Variants in TPH2 observed in about 807,000 individuals in gnomAD.
TPH2 encodes tryptophan hydroxylase 2.
A neutral mutation model predicts 59.1 loss-of-function variants in TPH2; 27 were observed. The ratio of observed to expected loss-of-function variants is 0.46; its 90% CI spans 0.34 to 0.63. The LOEUF is 0.63. Among genes scored for constraint, TPH2 ranks in the 30% least tolerant of loss-of-function variants. TPH2 has a pLI of 0.01. For synonymous variants in TPH2, 220 were observed against 210.5 expected, an observed-to-expected ratio of 1.05 and a Z score of -0.39; for missense variants, 523 against 588.3, an observed-to-expected ratio of 0.89 and a Z score of 1.15.
At chr12:71,971,973 C>T (rs781654857) in intron 5 of TPH2, among the ~76,000 whole-genome samples, 16 of 152,092 alleles carry the variant, frequency 1.1e-4, no homozygotes, top group Non-Finnish European at 2.1e-4. Context: ...AATGAATGCT[C>T]CTTATTTTTT....
intron 4 of TPH2, among the ~76,000 whole-genome samples, chr12:71,947,769 C>T (rs919790419): frequency 6.6e-6 from 1 of 151,962 alleles, no homozygotes; most frequent in Admixed American, 6.6e-5. Flanking sequence ...ACAACATTTG[C>T]GTAATCACCG....
chr12:71,999,725 A>T (rs1035762700), intron 8 of TPH2, among the ~76,000 whole-genome samples: 4 of 152,344 alleles, frequency 2.6e-5, no homozygotes, highest in Admixed American at 2.6e-4. Context: ...AAGGGCTTCA[A>T]ATTCCAAAAC....
chr12:72,005,430 A>G (rs995833378), intron 8 of TPH2, among the ~76,000 whole-genome samples: 17 of 152,202 alleles, frequency 1.1e-4, no homozygotes, highest in African/African-American at 4.1e-4. Flanking sequence ...ATAGATAAGG[A>G]AGGAAAATAA....
At chr12:72,031,474 C>T (rs969652388) in intron 10 of TPH2, 47 bp from the exon 11 acceptor site, 1 of 1,610,166 alleles carries the variant, frequency 6.2e-7, no homozygotes, top group Non-Finnish European at 8.5e-7. Context: ...ATCCCTCGTA[C>T]CAATGAGGGT....
rs1286230877 is a variant in TPH2, at chr12:71,994,465, A to G, written c.968A>G (p.His323Arg). 5 of 1,614,012 alleles carry G rather than the reference A, an allele frequency of 3.1e-6. No individual in the cohort carries two copies. Among genetic ancestry groups the G allele is most frequent in the Non-Finnish European group, 4.2e-6 (5 of 1,179,880 alleles). ...EPDTCHELLG[H>R]VPLLADPKFA... Reference sequence around the variant, plus strand: ...GACACATGCCATGAACTCTTGGGACATGTTCCACTACTTGCGGATCCTAAG... The same window carrying G: ...GACACATGCCATGAACTCTTGGGACGTGTTCCACTACTTGCGGATCCTAAG... The change falls in exon 8 of 11, where the codon CAT becomes CGT. Residue 323 changes from histidine (H) to arginine (R), a missense_variant. By Grantham distance (29) the His-to-Arg change is conservative. Coordinates refer to ENST00000333850, the MANE Select transcript of TPH2 (RefSeq NM_173353.4).
chr12:71,958,644 C>G (rs957744977), intron 5 of TPH2, among the ~76,000 whole-genome samples: 2 of 152,146 alleles, frequency 1.3e-5, no homozygotes, highest in African/African-American at 4.8e-5. Flanking sequence ...TTCCCTCTCT[C>G]CCAGGCCCCA....
chr12:72,010,892 G>A (rs1421550141), intron 8 of TPH2, among the ~76,000 whole-genome samples: 4 of 152,264 alleles, frequency 2.6e-5, no homozygotes, highest in East Asian at 1.9e-4. Flanking sequence ...CTGAGAGTGC[G>A]CTCATCAGTT....
At chr12:71,975,919 A>C (rs1259426248) in intron 6 of TPH2, among the ~76,000 whole-genome samples, 3 of 152,238 alleles carry the variant, frequency 2.0e-5, no homozygotes, top group African/African-American at 7.2e-5. Context: ...AGAGCTCCTT[A>C]TATCGAGATG....
intron 8 of TPH2, 110 bp from the exon 9 acceptor site, chr12:72,022,289 G>T: frequency 1.4e-6 from 1 of 740,656 alleles, no homozygotes; most frequent in South Asian, 1.5e-5. Context: ...TATTTAAATT[G>T]ATAATATTGA....
At chr12:72,001,386 A>G (rs1778924966) in intron 8 of TPH2, among the ~76,000 whole-genome samples, 1 of 151,838 alleles carries the variant, frequency 6.6e-6, no homozygotes, top group Non-Finnish European at 1.5e-5. Flanking sequence ...CCATGGGCAA[A>G]TGTATTTGGA....
Position 71,978,026 on chromosome 12 carries a change from C to T in TPH2, c.806-926C>T, listed in dbSNP as rs187723971. ...ATACTTACTAATGTGTTACAATTGCCTACAGTATTCAGTATAGTAATGTGT... is the reference window on the plus strand; with the variant it reads ...ATACTTACTAATGTGTTACAATTGCTTACAGTATTCAGTATAGTAATGTGT... On this transcript the variant is annotated intron_variant, in intron 6 of 10. Transcript: ENST00000333850. Among the ~76,000 whole-genome samples, 460 of 152,114 alleles carry T rather than the reference C, an allele frequency of 3.0e-3. 3 individuals are homozygous for T. Among genetic ancestry groups the T allele is most frequent in the Non-Finnish European group, 2.3e-3 (154 of 67,992 alleles).
At chr12:72,001,460 T>C (rs2139227801) in intron 8 of TPH2, among the ~76,000 whole-genome samples, 1 of 151,540 alleles carries the variant, frequency 6.6e-6, no homozygotes, top group East Asian at 1.9e-4. Context: ...GAGTTCTCTC[T>C]CGTTGCCCAG....
intron 8 of TPH2, among the ~76,000 whole-genome samples, chr12:72,018,987 G>C (rs1437504045): frequency 2.0e-5 from 3 of 152,138 alleles, no homozygotes; most frequent in African/African-American, 4.8e-5. Flanking sequence ...GGTAAAATAG[G>C]AGAGCTGAAC....
intron 8 of TPH2, among the ~76,000 whole-genome samples, chr12:71,998,158 C>T (rs911784624): frequency 3.3e-5 from 5 of 152,094 alleles, no homozygotes; most frequent in Admixed American, 2.0e-4. Flanking sequence ...TTTGCCTCAC[C>T]ATGGTTTTGA....
chr12:72,024,597 A>T (rs1000746864), intron 9 of TPH2, among the ~76,000 whole-genome samples: 1 of 152,228 alleles, frequency 6.6e-6, no homozygotes, highest in African/African-American at 2.4e-5. Context: ...TCAGAAAATG[A>T]TGTAGCTCTT....
chr12:72,018,248 C>A (rs2129574), intron 8 of TPH2, among the ~76,000 whole-genome samples: 2,895 of 152,274 alleles, frequency 0.019, 99 homozygotes, highest in African/African-American at 0.066. Flanking sequence ...CAGATGAGGT[C>A]TGGGGCCAGA....
At chr12:71,961,468 G>C in intron 5 of TPH2, 1 of 1,237,900 alleles carries the variant, frequency 8.1e-7, no homozygotes, top group East Asian at 4.7e-5. Flanking sequence ...CTAGTAGTTA[G>C]CTGTGTTCTG....
At chr12:72,026,686 G>A (rs367822341) in intron 9 of TPH2, among the ~76,000 whole-genome samples, 6 of 152,154 alleles carry the variant, frequency 3.9e-5, no homozygotes, top group African/African-American at 1.2e-4. Context: ...AATGCTGGAC[G>A]TTGGGAGCTG....
chr12:72,012,340 C>A (rs368033148), intron 8 of TPH2, among the ~76,000 whole-genome samples: 12 of 152,248 alleles, frequency 7.9e-5, no homozygotes, highest in Middle Eastern at 3.4e-3. Context: ...GCCACCTAAC[C>A]TGCCAGATGG....
Sources: allele counts gnomAD v4.1 joint callset (sites outside exome capture counted in the v4.1 genomes callset), GRCh38; gene constraint gnomAD v4.1.1; transcripts MANE v1.5; gene names NCBI Gene and HGNC (gene_info 2026-07-23, HGNC 2026-07-21).